The following CLYBL variants were observed in gnomAD, a reference collection of about 807,000 sequenced individuals.
CLYBL encodes citramalyl-CoA lyase, also known as citramalyl-CoA lyase, mitochondrial.
A neutral mutation model predicts 38.9 loss-of-function variants in CLYBL; 31 were observed. The ratio of observed to expected loss-of-function variants is 0.80; its 90% CI spans 0.60 to 1.08. The LOEUF is 1.08. CLYBL is among the 50% of genes least tolerant of loss of function. The probability of loss-of-function intolerance (pLI) is 0.00; values close to 1 mark genes in which losing one functional copy is unlikely to be tolerated. For missense variants in CLYBL, 434 were observed against 411.6 expected, an observed-to-expected ratio of 1.05 and a Z score of -0.47; for synonymous variants, 171 against 158.6, an observed-to-expected ratio of 1.08 and a Z score of -0.59.
chr13:99,700,874 T>C (rs757722169), intron 1 of CLYBL, among the ~76,000 whole-genome samples: 41 of 152,224 alleles, frequency 2.7e-4, no homozygotes, highest in Non-Finnish European at 5.1e-4. Flanking sequence ...ATGAAAGAAC[T>C]TGAAAACAAA....
intron 1 of CLYBL, among the ~76,000 whole-genome samples, chr13:99,659,330 T>G (rs1230272365): frequency 1.3e-5 from 2 of 152,204 alleles, no homozygotes; most frequent in African/African-American, 4.8e-5. Context: ...TGCATGACTC[T>G]TGATTTCACA....
intron 1 of CLYBL, among the ~76,000 whole-genome samples, chr13:99,644,086 A>G (rs2047136728): frequency 6.6e-6 from 1 of 151,448 alleles, no homozygotes; most frequent in Non-Finnish European, 1.5e-5. Context: ...TGTCTTATGA[A>G]ACTTTTGGTT....
intron 2 of CLYBL, among the ~76,000 whole-genome samples, chr13:99,854,327 C>G (rs12430048): frequency 0.24 from 35,633 of 151,230 alleles, 4,388 homozygotes; most frequent in Middle Eastern, 0.35. Context: ...AAGGCACTTA[C>G]TTGGGTATGT....
At chr13:99,699,475 C>T (rs921353646) in intron 1 of CLYBL, among the ~76,000 whole-genome samples, 4 of 151,598 alleles carry the variant, frequency 2.6e-5, no homozygotes, top group African/African-American at 2.4e-5. Flanking sequence ...AGGCAGATCA[C>T]GAGGTCAGGA....
At chr13:99,827,881 C>T (rs2050727144) in intron 2 of CLYBL, among the ~76,000 whole-genome samples, 1 of 152,206 alleles carries the variant, frequency 6.6e-6, no homozygotes, top group South Asian at 2.1e-4. Flanking sequence ...GGAGGGATCT[C>T]ACCAGAATAG....
chr13:99,874,367 G>T (rs555887771), intron 7 of CLYBL, among the ~76,000 whole-genome samples: 21 of 152,158 alleles, frequency 1.4e-4, no homozygotes, highest in African/African-American at 4.1e-4. Context: ...AATGCTTTAG[G>T]CAGGATAAAT....
rs1594088271 is a variant in CLYBL at position 99,623,571 on chromosome 13, T to C, written c.62+16814T>C. ...CAAACACCCATGGGCTTTTATTTATTATTTCTTTATTTATTTTTTAACACT... is the reference window on the plus strand; with the variant it reads ...CAAACACCCATGGGCTTTTATTTATCATTTCTTTATTTATTTTTTAACACT... On this transcript the variant is annotated intron_variant, in intron 1 of 8. Transcript: ENST00000339105. 3.9e-5 allele frequency among the ~76,000 whole-genome samples: 6 copies of C among 152,260 alleles called. No individual in the cohort carries two copies. In the South Asian group the frequency reaches 1.2e-3, roughly 32 times the overall value.
chr13:99,688,752 G>A (rs929606826), intron 1 of CLYBL, among the ~76,000 whole-genome samples: 2 of 152,126 alleles, frequency 1.3e-5, no homozygotes, highest in Non-Finnish European at 2.9e-5. Flanking sequence ...GACAGTGGCC[G>A]TTCCTGGGTA....
chr13:99,858,193 C>T (rs1040381644), intron 2 of CLYBL, among the ~76,000 whole-genome samples: 1 of 152,188 alleles, frequency 6.6e-6, no homozygotes, highest in African/African-American at 2.4e-5. Context: ...GGAGCAAAGC[C>T]TGTCAAGTCA....
At chr13:99,818,974 A>G (rs2050517291) in intron 2 of CLYBL, among the ~76,000 whole-genome samples, 1 of 152,176 alleles carries the variant, frequency 6.6e-6, no homozygotes, top group African/African-American at 2.4e-5. Context: ...AATCCAACTT[A>G]TCAAGACAAA....
rs573747184 is a variant in CLYBL, at chr13:99,853,468, A to G, written c.250-5393A>G. Among the ~76,000 whole-genome samples the G allele has an allele frequency of 2.6e-5, 4 of 152,366 alleles. 1 individual carries two copies. The South Asian group carries it at 8.3e-4, about 32-fold the overall frequency. ...CTTTGTAAGATGAATCAGCACATAC[A>G]ATTTTAAGCCAGTTAACCTACAGTA... is the stretch of plus-strand genomic sequence containing the variant. On this transcript the variant is annotated intron_variant, in intron 2 of 8. Transcript: ENST00000339105.
intron 1 of CLYBL, among the ~76,000 whole-genome samples, chr13:99,735,377 T>C (rs140319061): frequency 6.6e-6 from 1 of 152,228 alleles, no homozygotes; most frequent in East Asian, 1.9e-4. Flanking sequence ...AATTTTTTTG[T>C]AGAGATGAGA....
At chr13:99,726,857 G>A (rs775608103) in intron 1 of CLYBL, among the ~76,000 whole-genome samples, 1 of 152,162 alleles carries the variant, frequency 6.6e-6, no homozygotes, top group Non-Finnish European at 1.5e-5. Flanking sequence ...GTGCAAGGAT[G>A]TACATCAGAA....
At chr13:99,748,267 C>A (rs926582170) in intron 1 of CLYBL, among the ~76,000 whole-genome samples, 2 of 151,690 alleles carry the variant, frequency 1.3e-5, no homozygotes, top group African/African-American at 4.8e-5. Flanking sequence ...GTATTCCCAG[C>A]TACTTGGGAG....
chr13:99,781,924 C>G (rs934340029), intron 2 of CLYBL, among the ~76,000 whole-genome samples: 3 of 152,244 alleles, frequency 2.0e-5, no homozygotes, highest in Admixed American at 6.5e-5. Context: ...CTGGACAGCT[C>G]AAGAACCTTG....
At chr13:99,866,531 A>G (rs2051749764) in intron 6 of CLYBL, 124 bp downstream of exon 6, 1 of 770,376 alleles carries the variant, frequency 1.3e-6, no homozygotes, top group South Asian at 2.6e-5. Flanking sequence ...TATTTGAAAT[A>G]TGAGCAAGTC....
At chr13:99,888,362 A>G (rs2052403671) in intron 7 of CLYBL, among the ~76,000 whole-genome samples, 1 of 152,254 alleles carries the variant, frequency 6.6e-6, no homozygotes, top group African/African-American at 2.4e-5. Context: ...ATTACATGAA[A>G]TAATGTATGT....
intron 1 of CLYBL, among the ~76,000 whole-genome samples, chr13:99,696,884 G>A (rs188229945): frequency 2.0e-5 from 3 of 152,244 alleles, no homozygotes; most frequent in Admixed American, 1.3e-4. Context: ...AATATCTGTA[G>A]ACAGTTTAAG....
chr13:99,827,835 G>C (rs2050726177), intron 2 of CLYBL, among the ~76,000 whole-genome samples: 2 of 152,250 alleles, frequency 1.3e-5, no homozygotes, highest in Admixed American at 1.3e-4. Flanking sequence ...TCCCATGCTA[G>C]CGTGCCTACC....
Sources: allele counts gnomAD v4.1 joint callset (sites outside exome capture counted in the v4.1 genomes callset), GRCh38; gene constraint gnomAD v4.1.1; transcripts MANE v1.5; gene names NCBI Gene and HGNC (gene_info 2026-07-23, HGNC 2026-07-21).